The following MEGF10 variants were observed in gnomAD, a reference collection of about 807,000 sequenced individuals.
The protein encoded by MEGF10 is multiple epidermal growth factor-like domains protein 10.
Under a neutral mutation model 147.5 loss-of-function variants are expected in MEGF10, and 86 were observed. That is an observed-to-expected ratio of 0.58 (90% CI 0.49 to 0.70). The LOEUF (loss-of-function observed/expected upper bound fraction) is 0.70. Ranked by LOEUF, MEGF10 falls within the 30% of genes least tolerant of loss-of-function variation. The pLI is 0.00. For missense variants in MEGF10, 1,329 were observed against 1,487.3 expected (o/e 0.89, Z 1.75); for synonymous variants, 478 against 525.5 (o/e 0.91, Z 1.24).
At chr5:127,402,421 A>G (rs1764167693) in intron 7 of MEGF10, 125 bp from the exon 8 acceptor site, 7 of 1,029,656 alleles carry the variant, frequency 6.8e-6, no homozygotes, top group Middle Eastern at 6.3e-4. Flanking sequence ...AAATTCTCTA[A>G]TCTAATTTTC....
intron 1 of MEGF10, among the ~76,000 whole-genome samples, chr5:127,329,035 G>A (rs1049005778): frequency 2.6e-5 from 4 of 152,048 alleles, no homozygotes; most frequent in African/African-American, 9.7e-5. Context: ...CACATAAATG[G>A]CTCAGTACTG....
At chr5:127,441,715 T>C (rs941853443) in intron 18 of MEGF10, among the ~76,000 whole-genome samples, 1 of 152,094 alleles carries the variant, frequency 6.6e-6, no homozygotes, top group Non-Finnish European at 1.5e-5. Context: ...GTTGTACTCT[T>C]GGGAAGGATC....
the MEGF10 span, among the ~76,000 whole-genome samples, chr5:127,246,478 T>C: frequency 2.6e-5 from 4 of 151,842 alleles, no homozygotes; most frequent in Non-Finnish European, 5.9e-5. Context: ...AGGGGAGGGA[T>C]AGCATTAGGA....
At chr5:127,424,521 C>T (rs1033272302) in intron 13 of MEGF10, 1 of 1,440,900 alleles carries the variant, frequency 6.9e-7, no homozygotes, top group Admixed American at 2.8e-5. Context: ...TCACCAGCAA[C>T]CTCTTCAGTA....
chr5:127,395,156 T>C (rs1456301742), intron 5 of MEGF10, among the ~76,000 whole-genome samples: 1 of 152,184 alleles, frequency 6.6e-6, no homozygotes, highest in Admixed American at 6.5e-5. Flanking sequence ...ATCTAATAAA[T>C]ATACCGCTGG....
chr5:127,248,636 A>G, the MEGF10 span, among the ~76,000 whole-genome samples: 2 of 152,076 alleles, frequency 1.3e-5, no homozygotes, highest in Non-Finnish European at 2.9e-5. Flanking sequence ...AGAGAATTGA[A>G]AAACACAATG....
At chr5:127,434,943 C>G in intron 15 of MEGF10, 122 bp downstream of exon 15, 1 of 1,315,424 alleles carries the variant, frequency 7.6e-7, no homozygotes, top group African/African-American at 1.5e-5. Flanking sequence ...GGAATGTCTT[C>G]TGCTGTGCTG....
the MEGF10 span, among the ~76,000 whole-genome samples, chr5:127,279,931 C>A: frequency 3.2e-4 from 49 of 152,254 alleles, no homozygotes; most frequent in Non-Finnish European, 6.3e-4. Flanking sequence ...TCTGATCAAT[C>A]TATTTGTCTT....
chr5:127,250,392 T>TA, the MEGF10 span, among the ~76,000 whole-genome samples: 1,004 of 151,842 alleles, frequency 6.6e-3, 13 homozygotes, highest in African/African-American at 0.023. Flanking sequence ...TATAAATAGA[T>TA]AAAAAAAATT....
chr5:127,379,264 C>G (rs1333366119), intron 5 of MEGF10, among the ~76,000 whole-genome samples: 2 of 152,060 alleles, frequency 1.3e-5, no homozygotes, highest in Non-Finnish European at 2.9e-5. Context: ...AGATGCCACC[C>G]AAGTCAATTA....
At chr5:127,361,718 G>A (rs903140679) in intron 4 of MEGF10, among the ~76,000 whole-genome samples, 4 of 151,970 alleles carry the variant, frequency 2.6e-5, no homozygotes, top group African/African-American at 9.7e-5. Flanking sequence ...GACATGTTGT[G>A]ATTTTGTTTT....
intron 5 of MEGF10, among the ~76,000 whole-genome samples, chr5:127,388,525 A>G (rs1358341459): frequency 1.0e-5 from 1 of 99,466 alleles, no homozygotes; most frequent in East Asian, 2.5e-4. Context: ...CTTTTTATTT[A>G]TTTATTTATT....
the MEGF10 span, among the ~76,000 whole-genome samples, chr5:127,265,189 T>C: frequency 2.0e-5 from 3 of 152,216 alleles, no homozygotes; most frequent in East Asian, 3.8e-4. Flanking sequence ...GTTCTTGAGA[T>C]AGTTTGCTGA....
the MEGF10 span, among the ~76,000 whole-genome samples, chr5:127,266,842 A>G: frequency 6.6e-6 from 1 of 152,226 alleles, no homozygotes; most frequent in African/African-American, 2.4e-5. Flanking sequence ...GGGGTTTTCT[A>G]GATATACAAT....
At chr5:127,313,480 C>T (rs1561564378) in intron 1 of MEGF10, among the ~76,000 whole-genome samples, 1 of 152,190 alleles carries the variant, frequency 6.6e-6, no homozygotes, top group Non-Finnish European at 1.5e-5. Flanking sequence ...ACCTACTCAT[C>T]CGATTAGCCT....
At chr5:127,272,550 C>T in the MEGF10 span, among the ~76,000 whole-genome samples, 2 of 152,178 alleles carry the variant, frequency 1.3e-5, no homozygotes, top group African/African-American at 4.8e-5. Flanking sequence ...TTGATTCTTC[C>T]TATCCATGAG....
chr5:127,378,418 C>T (rs548059731), intron 5 of MEGF10, among the ~76,000 whole-genome samples: 1 of 152,260 alleles, frequency 6.6e-6, no homozygotes, highest in Non-Finnish European at 1.5e-5. Flanking sequence ...CCCTTTGTGA[C>T]ATCTCTTCCT....
intron 5 of MEGF10, among the ~76,000 whole-genome samples, chr5:127,393,611 T>G (rs1273123622): frequency 6.6e-6 from 1 of 152,234 alleles, no homozygotes; most frequent in Non-Finnish European, 1.5e-5. Context: ...GGTCCATGTA[T>G]TAGTGGCATT....
chr5:127,309,347 A>G (rs950417642), intron 1 of MEGF10, among the ~76,000 whole-genome samples: 3 of 152,358 alleles, frequency 2.0e-5, no homozygotes, highest in Non-Finnish European at 4.4e-5. Context: ...CATTTTAAAT[A>G]CATTCACACT....
Sources: gnomAD v4.1 joint callset for allele counts (sites outside exome capture counted in the v4.1 genomes callset) on GRCh38, gnomAD v4.1.1 for gene constraint, MANE v1.5 for transcripts, NCBI Gene and HGNC (gene_info 2026-07-23, HGNC 2026-07-21) for gene names.